The following TUT4 variants were observed in gnomAD, a reference collection of about 807,000 sequenced individuals.
TUT4 encodes terminal uridylyltransferase 4.
A neutral mutation model predicts 192.2 loss-of-function variants in TUT4; 36 were observed. That is an observed-to-expected ratio of 0.19 (90% confidence interval 0.14 to 0.25). TUT4 has a LOEUF of 0.25. Among genes scored for constraint, TUT4 ranks in the 10% least tolerant of loss-of-function variants. The pLI, the probability that TUT4 is intolerant of heterozygous loss-of-function variation, is 1.00. For synonymous variants in TUT4, 618 were observed against 666.0 expected (o/e 0.93, Z 1.11); for missense variants, 1,493 against 1,957.2 (o/e 0.76, Z 4.47).
chr1:52,456,488 T>TAAA (rs540016246), intron 20 of TUT4, among the ~76,000 whole-genome samples: 3 of 98,384 alleles, frequency 3.0e-5, no homozygotes, highest in African/African-American at 1.1e-4. Flanking sequence ...ATTTAAAAAT[T>TAAA]AAAAAAAAAA....
chr1:52,504,379 C>T (rs1476322532), intron 4 of TUT4, among the ~76,000 whole-genome samples: 1 of 152,144 alleles, frequency 6.6e-6, no homozygotes, highest in Admixed American at 6.5e-5. Context: ...CACCTGTAAT[C>T]CCCGCACTTT....
At chr1:52,458,675 TACAA>T (rs944823219) in intron 19 of TUT4, among the ~76,000 whole-genome samples, 11 of 151,972 alleles carry the variant, frequency 7.2e-5, no homozygotes, top group Non-Finnish European at 1.3e-4. Context: ...GACCCCATCT[TACAA>T]ACAAACAAAC....
rs924301189 is a variant in TUT4, at chr1:52,496,533, T to A, written c.1177+473A>T. Among the ~76,000 whole-genome samples the A allele has an allele frequency of 1.3e-5, 2 of 152,156 alleles. 1 individual carries two copies. Among genetic ancestry groups the A allele is most frequent in the African/African-American group, 4.8e-5 (2 of 41,456 alleles). On this transcript the variant is annotated intron_variant, in intron 5 of 29. Coordinates refer to ENST00000257177, the MANE Select transcript of TUT4 (RefSeq NM_001009881.3). The stretch of plus-strand genomic sequence containing the variant: ...ACCCTATACTGATGCAAAAAAGATA[T>A]GGGCTAAGCAAATAGTCCATATATA...
At chr1:52,441,444 A>AAT (rs1655517231) in intron 24 of TUT4, among the ~76,000 whole-genome samples, 1 of 119,984 alleles carries the variant, frequency 8.3e-6, no homozygotes, top group African/African-American at 3.7e-5. Context: ...TCTCGGCTAA[A>AAT]TTTTTTTTTT....
At chr1:52,426,821 A>C (rs1217037997) in intron 28 of TUT4, among the ~76,000 whole-genome samples, 2 of 152,240 alleles carry the variant, frequency 1.3e-5, no homozygotes, top group Non-Finnish European at 2.9e-5. Flanking sequence ...TTCATAACCC[A>C]AAATTTCCAG....
chr1:52,489,200 CAT>C (rs988712548), intron 8 of TUT4, among the ~76,000 whole-genome samples, 165 bp from the exon 9 acceptor site: 7 of 152,182 alleles, frequency 4.6e-5, no homozygotes. Context: ...CTGAAAACTA[CAT>C]GTCATTCCAT....
intron 3 of TUT4, among the ~76,000 whole-genome samples, chr1:52,510,332 A>AG (rs1335075142): frequency 6.6e-6 from 1 of 151,458 alleles, no homozygotes; most frequent in African/African-American, 2.4e-5. Flanking sequence ...AAAAAAAAAA[A>AG]AAAAAAAAAG....
intron 1 of TUT4, among the ~76,000 whole-genome samples, chr1:52,530,933 G>A (rs1366724502): frequency 6.6e-6 from 1 of 152,040 alleles, no homozygotes; most frequent in African/African-American, 2.4e-5. Context: ...AGCCCAGGAG[G>A]GAGAGGTTGC....
intron 20 of TUT4, among the ~76,000 whole-genome samples, chr1:52,455,007 G>A (rs895483116): frequency 2.0e-5 from 3 of 152,214 alleles, no homozygotes; most frequent in African/African-American, 7.2e-5. Context: ...GTGGCCAGGT[G>A]AGGTGGCTCA....
At chr1:52,515,565 G>A (rs1176020242) in intron 3 of TUT4, 1 of 437,824 alleles carries the variant, frequency 2.3e-6, no homozygotes, top group Non-Finnish European at 4.0e-6. Flanking sequence ...AAATAGGCAT[G>A]GCTATATTCC....
intron 9 of TUT4, among the ~76,000 whole-genome samples, chr1:52,484,532 A>G (rs937597041): frequency 6.6e-6 from 1 of 152,160 alleles, no homozygotes; most frequent in Admixed American, 6.5e-5. Flanking sequence ...TCCCCATCCC[A>G]TTATTTACAT....
chr1:52,459,015 T>TA (rs1557713570), intron 19 of TUT4, among the ~76,000 whole-genome samples: 1 of 151,878 alleles, frequency 6.6e-6, no homozygotes, highest in Non-Finnish European at 1.5e-5. Flanking sequence ...ATGCAACCAT[T>TA]AAAAAAAGAA....
chr1:52,488,609 G>C (rs1670382278), intron 9 of TUT4, among the ~76,000 whole-genome samples: 1 of 152,198 alleles, frequency 6.6e-6, no homozygotes, highest in African/African-American at 2.4e-5. Flanking sequence ...TACAGTAAGA[G>C]TGAAAACTTG....
At chr1:52,523,282 C>T (rs1680799714) in intron 2 of TUT4, among the ~76,000 whole-genome samples, 2 of 151,532 alleles carry the variant, frequency 1.3e-5, no homozygotes, top group Admixed American at 1.3e-4. Flanking sequence ...CATGAGCCAC[C>T]GCGCCTGGCC....
intron 22 of TUT4, 121 bp downstream of exon 22, chr1:52,446,144 T>TA: frequency 7.5e-7 from 1 of 1,330,826 alleles, no homozygotes; most frequent in Non-Finnish European, 1.0e-6. Context: ...AATTACACAT[T>TA]AAAGGAGGAA....
At chr1:52,539,026 C>T (rs189986620) in intron 1 of TUT4, among the ~76,000 whole-genome samples, 3 of 151,928 alleles carry the variant, frequency 2.0e-5, no homozygotes, top group East Asian at 1.9e-4. Context: ...TACTGGGTTG[C>T]GAAGTTACAG....
chr1:52,437,890 G>GGAT (rs949372295), intron 25 of TUT4, among the ~76,000 whole-genome samples: 1 of 151,594 alleles, frequency 6.6e-6, no homozygotes, highest in Non-Finnish European at 1.5e-5. Flanking sequence ...GGGAGGCGGA[G>GGAT]GATGCAGTGA....
intron 19 of TUT4, among the ~76,000 whole-genome samples, chr1:52,459,463 C>G (rs917663921): frequency 3.9e-5 from 6 of 152,054 alleles, no homozygotes; most frequent in African/African-American, 1.4e-4. Context: ...GTGGCACACG[C>G]CTGTAGTCCT....
chr1:52,481,275 C>A, intron 11 of TUT4, 148 bp downstream of exon 11: 1 of 777,766 alleles, frequency 1.3e-6, no homozygotes, highest in East Asian at 2.6e-5. Flanking sequence ...AAAACTAAAC[C>A]AGATCAACCC....
Sources: allele counts gnomAD v4.1 joint callset (sites outside exome capture counted in the v4.1 genomes callset), GRCh38; gene constraint gnomAD v4.1.1; transcripts MANE v1.5; gene names NCBI Gene and HGNC (gene_info 2026-07-23, HGNC 2026-07-21).